Variants in FOXP1 observed in about 807,000 individuals in gnomAD.
FOXP1 encodes the protein forkhead box protein P1.
A neutral mutation model predicts 98.2 loss-of-function variants in FOXP1; 15 were observed. That is an observed-to-expected ratio of 0.15 (90% confidence interval 0.10 to 0.24). The LOEUF (loss-of-function observed/expected upper bound fraction) is 0.24. Ranked by LOEUF, FOXP1 falls within the 10% of genes least tolerant of loss-of-function variation. FOXP1 has a pLI of 1.00. For missense variants in FOXP1, 633 were observed against 848.5 expected (o/e 0.75, Z 3.15); for synonymous variants, 371 against 314.5 (o/e 1.18, Z -1.90).
intron 5 of FOXP1, among the ~76,000 whole-genome samples, chr3:71,281,420 C>A (rs2107414088): frequency 6.6e-6 from 1 of 152,310 alleles, no homozygotes; most frequent in South Asian, 2.1e-4. Context: ...TCTCAAAACA[C>A]ATCTGAGTGG....
intron 2 of FOXP1, among the ~76,000 whole-genome samples, chr3:71,504,657 A>T (rs1420206831): frequency 6.6e-6 from 1 of 152,138 alleles, no homozygotes; most frequent in African/African-American, 2.4e-5. Flanking sequence ...GGGTGTGTGG[A>T]ATGATGTGGT....
chr3:71,005,314 TAAAAAAAAAAAA>T (rs60664354), intron 12 of FOXP1, among the ~76,000 whole-genome samples: 9 of 25,260 alleles, frequency 3.6e-4, no homozygotes, highest in Admixed American at 1.7e-3. Context: ...ATACCTGATT[TAAAAAAAAAAAA>T]AAAAAAAAAA....
chr3:71,436,001 T>C (rs1422672548), intron 3 of FOXP1, among the ~76,000 whole-genome samples: 1 of 120,454 alleles, frequency 8.3e-6, no homozygotes, highest in Admixed American at 8.4e-5. Context: ...GGAGGGAGGA[T>C]AGAAGGAAGA....
intron 6 of FOXP1, among the ~76,000 whole-genome samples, chr3:71,179,997 A>G (rs1301292034): frequency 6.6e-6 from 1 of 152,190 alleles, no homozygotes; most frequent in East Asian, 1.9e-4. Flanking sequence ...GATATTTTGT[A>G]GGCACTGGTG....
At chr3:71,173,619 G>C (rs932025554) in intron 6 of FOXP1, among the ~76,000 whole-genome samples, 3 of 152,242 alleles carry the variant, frequency 2.0e-5, no homozygotes, top group Admixed American at 2.0e-4. Context: ...AGTGAGGGTG[G>C]GGGTGTGGGT....
At chr3:70,984,595 G>T (rs1454993578) in intron 14 of FOXP1, among the ~76,000 whole-genome samples, 4 of 152,190 alleles carry the variant, frequency 2.6e-5, no homozygotes. Flanking sequence ...ACATGCTCAA[G>T]AAATATTTGT....
chr3:71,045,888 TCCAAGACAG>T (rs1235971243), intron 10 of FOXP1, among the ~76,000 whole-genome samples: 3 of 152,130 alleles, frequency 2.0e-5, no homozygotes, highest in Non-Finnish European at 4.4e-5. Context: ...GGCAACTGAA[TCCAAGACAG>T]CAGTGGCTTT....
Position 70,958,737 on chromosome 3 carries a change from CAAAAAAAAAA to C in FOXP1, c.*500_*509del, listed in dbSNP as rs10633687. The C allele has an allele frequency of 5.8e-4, 14 of 24,050 alleles. No homozygotes were observed. The highest frequency in any genetic ancestry group is 0.026 in the Middle Eastern group (1 of 38). The allele number at this position is 24,050 out of a possible 1,614,324, so 1.5% of individuals were successfully genotyped here. On this transcript the variant is annotated 3_prime_UTR_variant, in exon 21 of 21. Coordinates refer to ENST00000649528, the MANE Select transcript of FOXP1 (RefSeq NM_001349338.3). Reference sequence around the variant, plus strand: ...AGGCCTTCCCCATCCCAACTGGAAGCAAAAAAAAAAAAAAAAAAAAAAAAAAAAAAGGAGT... The same window carrying C: ...AGGCCTTCCCCATCCCAACTGGAAGCAAAAAAAAAAAAAAAAAAAAGGAGT...
At chr3:71,130,745 A>G in intron 6 of FOXP1, 1 of 1,460,238 alleles carries the variant, frequency 6.8e-7, no homozygotes, top group Non-Finnish European at 9.0e-7. Context: ...GCTCTCACTA[A>G]ATGACAAAGA....
At chr3:71,258,920 C>G (rs952063384) in intron 5 of FOXP1, among the ~76,000 whole-genome samples, 1 of 152,118 alleles carries the variant, frequency 6.6e-6, no homozygotes, top group African/African-American at 2.4e-5. Flanking sequence ...CCCAGACAGC[C>G]GGATCACGAG....
chr3:71,581,638 T>TGCCCCC lies in FOXP1; in HGVS notation c.-393_-388dup. On this transcript the variant is annotated 5_prime_UTR_variant, in exon 2 of 21. Coordinates refer to ENST00000649528, the MANE Select transcript of FOXP1 (RefSeq NM_001349338.3). Reference sequence around the variant, plus strand: ...CCATGGTCCCCGGCGCCGCTGCCGCTGCCCCCGGCCCGCTCGCTCGCTCGC... The same window carrying TGCCCCC: ...CCATGGTCCCCGGCGCCGCTGCCGCTGCCCCCGCCCCCGGCCCGCTCGCTCGCTCGC... The TGCCCCC allele has an allele frequency of 1.0e-6, 1 of 985,846 alleles. No individual in the cohort carries two copies. Among genetic ancestry groups the TGCCCCC allele is most frequent in the Non-Finnish European group, 1.2e-6 (1 of 830,092 alleles). The allele number at this position is 985,846 out of a possible 1,614,324, so 61.1% of individuals were successfully genotyped here. A position where few individuals can be genotyped will look rare whatever the true frequency, so the allele number is the denominator to read the frequency against.
intron 5 of FOXP1, among the ~76,000 whole-genome samples, chr3:71,291,974 G>C (rs965243845): frequency 6.6e-6 from 1 of 152,034 alleles, no homozygotes; most frequent in Non-Finnish European, 1.5e-5. Flanking sequence ...CAAAGTGCTG[G>C]GATTACAGGC....
rs760160001 is a variant in FOXP1, at chr3:71,092,244, G to A, written c.282+20292C>T. Among the ~76,000 whole-genome samples the A allele has an allele frequency of 2.0e-5, 3 of 152,120 alleles. 1 individual carries two copies. Among genetic ancestry groups the A allele is most frequent in the African/African-American group, 4.8e-5 (2 of 41,530 alleles). The stretch of plus-strand genomic sequence containing the variant: ...AAATTAGCTGGGCATGGTGGTGCAC[G>A]CCTGTAATCCCAGCTACTCGGGAGG... On this transcript the variant is annotated intron_variant, in intron 7 of 20. Transcript: ENST00000649528.
At chr3:71,403,320 T>C (rs1416843708) in intron 3 of FOXP1, among the ~76,000 whole-genome samples, 1 of 152,208 alleles carries the variant, frequency 6.6e-6, no homozygotes, top group Non-Finnish European at 1.5e-5. Flanking sequence ...CGCCTGGATC[T>C]CTGAGCTGGA....
chr3:71,092,140 A>T (rs1235530346), intron 7 of FOXP1, among the ~76,000 whole-genome samples: 1 of 151,008 alleles, frequency 6.6e-6, no homozygotes, highest in Non-Finnish European at 1.5e-5. Flanking sequence ...GTGAGCTGAG[A>T]TCGCACCACT....
At chr3:71,167,965 A>C (rs2061470880) in intron 6 of FOXP1, among the ~76,000 whole-genome samples, 1 of 152,164 alleles carries the variant, frequency 6.6e-6, no homozygotes, top group Non-Finnish European at 1.5e-5. Context: ...GTCCAAACTG[A>C]GCCAGTAAAC....
chr3:71,548,907 G>A (rs575167447), intron 2 of FOXP1, among the ~76,000 whole-genome samples: 27 of 152,268 alleles, frequency 1.8e-4, no homozygotes, highest in Admixed American at 2.0e-4. Flanking sequence ...AGTCAAAGCA[G>A]GACCATGATG....
At chr3:71,106,646 A>G (rs2057457424) in intron 7 of FOXP1, among the ~76,000 whole-genome samples, 1 of 151,308 alleles carries the variant, frequency 6.6e-6, no homozygotes, top group Admixed American at 6.6e-5. Flanking sequence ...TTTTAATCGA[A>G]ATAGAGTCTT....
chr3:71,577,895 AC>A lies in FOXP1; in HGVS notation c.-298+3653del, dbSNP rs149298124. Among the ~76,000 whole-genome samples the A allele has an allele frequency of 7.5e-3, 1,143 of 152,246 alleles. 12 individuals carry two copies. Among genetic ancestry groups the A allele is most frequent in the African/African-American group, 0.026 (1,073 of 41,530 alleles). On this transcript the variant is annotated intron_variant, in intron 2 of 20. Coordinates refer to ENST00000649528, the MANE Select transcript of FOXP1 (RefSeq NM_001349338.3). ...TTCTTGAGGTTATTTTCTTTAGAAA[AC>A]AAACCCCTACCTGCTTGAGAGGTTT...
Sources: gnomAD v4.1 joint callset for allele counts (sites outside exome capture counted in the v4.1 genomes callset) on GRCh38, gnomAD v4.1.1 for gene constraint, MANE v1.5 for transcripts, NCBI Gene and HGNC (gene_info 2026-07-23, HGNC 2026-07-21) for gene names.